Variants in SCFD2 observed in about 807,000 individuals in gnomAD.
The protein encoded by SCFD2 is sec1 family domain-containing protein 2.
In SCFD2, 54 loss-of-function variants were observed where a neutral mutation model predicts 58.9. The observed-to-expected ratio is 0.92, with a 90% CI of 0.74 to 1.15. The LOEUF (loss-of-function observed/expected upper bound fraction) is 1.15. Ranked by LOEUF, SCFD2 falls within the 50% of genes most tolerant of loss-of-function variation. The pLI is 0.00. For missense variants in SCFD2, 805 were observed against 836.6 expected (o/e 0.96, Z 0.47); for synonymous variants, 321 against 335.9 (o/e 0.96, Z 0.49).
At chr4:53,335,914 T>C (rs1343130615) in intron 2 of SCFD2, among the ~76,000 whole-genome samples, 1 of 152,200 alleles carries the variant, frequency 6.6e-6, no homozygotes, top group Non-Finnish European at 1.5e-5. Flanking sequence ...GGGGTATTGT[T>C]AAAACAATTT....
chr4:53,086,727 G>C (rs1014672849), intron 5 of SCFD2, among the ~76,000 whole-genome samples: 1 of 152,194 alleles, frequency 6.6e-6, no homozygotes, highest in Non-Finnish European at 1.5e-5. Context: ...TCTGTCATTT[G>C]CAACAACATG....
chr4:53,336,444 AC>A (rs1174691441), intron 2 of SCFD2, among the ~76,000 whole-genome samples: 1 of 152,138 alleles, frequency 6.6e-6, no homozygotes, highest in East Asian at 1.9e-4. Flanking sequence ...TAGCTCTATC[AC>A]CTTCAACAAC....
At chr4:52,923,433 G>A (rs1236919997) in intron 5 of SCFD2, among the ~76,000 whole-genome samples, 1 of 151,808 alleles carries the variant, frequency 6.6e-6, no homozygotes, top group Non-Finnish European at 1.5e-5. Flanking sequence ...AGCTGAGATC[G>A]TGCCACAGCA....
rs1472879655 is a variant in SCFD2 at position 53,259,844 on chromosome 4, C to T, written c.1311+13982G>A. 3.3e-5 allele frequency among the ~76,000 whole-genome samples: 5 copies of T among 152,138 alleles called. No individual in the cohort carries two copies. In the East Asian group the frequency reaches 9.6e-4, roughly 29 times the overall value. ...TTTCACAATATTGATTCTACTCATC[C>T]ATGAGCATGGGATGTCTTTCCATTT... is the stretch of plus-strand genomic sequence containing the variant. On this transcript the variant is annotated intron_variant, in intron 4 of 8. Coordinates refer to ENST00000401642, the MANE Select transcript of SCFD2 (RefSeq NM_152540.4).
In SCFD2 at chr4:53,056,774, C is replaced by A. The variant is rs571920458; in HGVS notation, c.1561+88559G>T. Among the ~76,000 whole-genome samples the A allele has an allele frequency of 1.4e-4, 22 of 152,130 alleles. No individual in the cohort carries two copies. In the East Asian group the frequency reaches 4.3e-3, roughly 29 times the overall value. ...TTAGATCCTTGTATAAATTGGAACACAGTGATGAAAGAGGAAGAGGGATAG... is the reference window on the plus strand; with the variant it reads ...TTAGATCCTTGTATAAATTGGAACAAAGTGATGAAAGAGGAAGAGGGATAG... On this transcript the variant is annotated intron_variant, in intron 5 of 8. Transcript: ENST00000401642.
At chr4:53,327,040 A>C (rs1733222449) in intron 2 of SCFD2, among the ~76,000 whole-genome samples, 1 of 151,990 alleles carries the variant, frequency 6.6e-6, no homozygotes, top group Non-Finnish European at 1.5e-5. Flanking sequence ...TTCATAATTT[A>C]ATCCAAAAGT....
chr4:53,212,471 A>AAAATAAATAAAT (rs61123203), intron 4 of SCFD2, among the ~76,000 whole-genome samples: 2,695 of 148,112 alleles, frequency 0.018, 111 homozygotes, highest in African/African-American at 0.064. Flanking sequence ...AAGAAAGCAA[A>AAAATAAATAAAT]AAATAAATAA....
At chr4:53,260,929 T>C (rs1250243394) in intron 4 of SCFD2, among the ~76,000 whole-genome samples, 1 of 152,156 alleles carries the variant, frequency 6.6e-6, no homozygotes, top group East Asian at 1.9e-4. Flanking sequence ...TCAGAGTTTC[T>C]ATATCTTCCT....
At chr4:53,214,557 T>G (rs1373349041) in intron 4 of SCFD2, among the ~76,000 whole-genome samples, 1 of 152,148 alleles carries the variant, frequency 6.6e-6, no homozygotes, top group African/African-American at 2.4e-5. Flanking sequence ...TATTAGTCCT[T>G]TGTCAGATGA....
chr4:52,916,728 C>T (rs1373483888), intron 6 of SCFD2, among the ~76,000 whole-genome samples: 1 of 152,182 alleles, frequency 6.6e-6, no homozygotes, highest in Non-Finnish European at 1.5e-5. Flanking sequence ...TAACAGGACA[C>T]TCAGCTTTTG....
intron 5 of SCFD2, among the ~76,000 whole-genome samples, chr4:53,076,720 A>G (rs1369616547): frequency 6.6e-6 from 1 of 152,174 alleles, no homozygotes; most frequent in Admixed American, 6.5e-5. Context: ...ATGAACCTTT[A>G]AATGGTGATG....
chr4:53,270,080 T>C (rs989952572), intron 4 of SCFD2, among the ~76,000 whole-genome samples: 1 of 152,148 alleles, frequency 6.6e-6, no homozygotes, highest in Non-Finnish European at 1.5e-5. Flanking sequence ...CAAATTTCTA[T>C]GGAAAATATT....
chr4:52,981,863 T>C (rs1721381771), intron 5 of SCFD2, among the ~76,000 whole-genome samples: 2 of 152,160 alleles, frequency 1.3e-5, no homozygotes, highest in African/African-American at 4.8e-5. Context: ...CAAATATAAA[T>C]ACACTACTAC....
intron 8 of SCFD2, among the ~76,000 whole-genome samples, chr4:52,883,161 C>A (rs904240573): frequency 1.3e-5 from 2 of 152,174 alleles, no homozygotes; most frequent in Non-Finnish European, 2.9e-5. Flanking sequence ...GTTGCTAGGG[C>A]AGCAAGGCAT....
At chr4:53,345,375 T>A (rs1331334087) in intron 2 of SCFD2, among the ~76,000 whole-genome samples, 1 of 152,062 alleles carries the variant, frequency 6.6e-6, no homozygotes, top group African/African-American at 2.4e-5. Flanking sequence ...ATCAGAGAAA[T>A]GCAAATCAAA....
chr4:52,937,056 G>A (rs558910025), intron 5 of SCFD2, among the ~76,000 whole-genome samples: 1 of 152,330 alleles, frequency 6.6e-6, no homozygotes, highest in South Asian at 2.1e-4. Flanking sequence ...AGAGGTAAGT[G>A]CTTACAAGAA....
At chr4:53,301,163 T>A (rs937089451) in intron 3 of SCFD2, among the ~76,000 whole-genome samples, 30 of 152,228 alleles carry the variant, frequency 2.0e-4, no homozygotes, top group African/African-American at 6.0e-4. Flanking sequence ...ATCCAGGAGC[T>A]GGTTTTTTGA....
At chr4:53,060,285 G>A (rs1398906684) in intron 5 of SCFD2, among the ~76,000 whole-genome samples, 2 of 152,070 alleles carry the variant, frequency 1.3e-5, no homozygotes, top group Non-Finnish European at 2.9e-5. Flanking sequence ...CTCTGATCAC[G>A]AAGGTAACTG....
intron 2 of SCFD2, among the ~76,000 whole-genome samples, chr4:53,348,917 C>T (rs533239428): frequency 2.2e-4 from 34 of 152,052 alleles, no homozygotes; most frequent in African/African-American, 7.7e-4. Flanking sequence ...GATGGGGTTT[C>T]ACCATGTTAA....
Sources: allele counts gnomAD v4.1 joint callset (sites outside exome capture counted in the v4.1 genomes callset), GRCh38; gene constraint gnomAD v4.1.1; transcripts MANE v1.5; gene names NCBI Gene and HGNC (gene_info 2026-07-23, HGNC 2026-07-21).